The following ACBD6 variants were observed in gnomAD, a reference collection of about 807,000 sequenced individuals.
ACBD6 encodes acyl-CoA-binding domain-containing protein 6.
ACBD6 carries 28 observed loss-of-function variants against 37.2 expected under a neutral mutation model. The observed-to-expected ratio is 0.75, with a 90% confidence interval of 0.56 to 1.03. The LOEUF (loss-of-function observed/expected upper bound fraction) is 1.03, where lower values mean the gene tolerates loss of function less well. Ranked by LOEUF, ACBD6 falls within the 50% of genes least tolerant of loss-of-function variation. The pLI is 0.00. For synonymous variants in ACBD6, 113 were observed against 126.8 expected, an observed-to-expected ratio of 0.89 and a Z score of 0.73; for missense variants, 340 against 337.4, an observed-to-expected ratio of 1.01 and a Z score of -0.06.
At chr1:180,443,067 A>G (rs1649345123) in intron 3 of ACBD6, among the ~76,000 whole-genome samples, 1 of 152,012 alleles carries the variant, frequency 6.6e-6, no homozygotes, top group Non-Finnish European at 1.5e-5. Context: ...TAAATTTTAC[A>G]TTCTTGCTTG....
At chr1:180,465,250 T>C (rs932552456) in intron 3 of ACBD6, among the ~76,000 whole-genome samples, 2 of 152,042 alleles carry the variant, frequency 1.3e-5, no homozygotes, top group Non-Finnish European at 2.9e-5. Flanking sequence ...CGGGAGAGAA[T>C]ATCTGAAAAC....
chr1:180,385,750 G>A (rs545901345), intron 6 of ACBD6, among the ~76,000 whole-genome samples: 42 of 152,216 alleles, frequency 2.8e-4, no homozygotes, highest in African/African-American at 9.6e-4. Context: ...CCCTGTTGGC[G>A]CCTTTATCTT....
intron 7 of ACBD6, among the ~76,000 whole-genome samples, chr1:180,300,592 T>G (rs146880179): frequency 6.6e-6 from 1 of 152,200 alleles, no homozygotes; most frequent in Non-Finnish European, 1.5e-5. Flanking sequence ...CCAGAACTTA[T>G]AGGGATATTT....
At chr1:180,392,725 G>A (rs1191488335) in intron 6 of ACBD6, among the ~76,000 whole-genome samples, 1 of 141,934 alleles carries the variant, frequency 7.0e-6, no homozygotes, top group Non-Finnish European at 1.5e-5. Context: ...ACTATGTAAT[G>A]GGATTACAGA....
intron 3 of ACBD6, among the ~76,000 whole-genome samples, chr1:180,430,874 T>C (rs923593072): frequency 1.3e-5 from 2 of 152,100 alleles, no homozygotes; most frequent in African/African-American, 4.8e-5. Flanking sequence ...AAAATTAATT[T>C]AGTAATAAGA....
At chr1:180,299,327 T>C (rs748118823) in intron 7 of ACBD6, among the ~76,000 whole-genome samples, 8 of 152,146 alleles carry the variant, frequency 5.3e-5, no homozygotes, top group Non-Finnish European at 1.2e-4. Context: ...TGAGGGGATA[T>C]ACTGGTGCCC....
intron 3 of ACBD6, among the ~76,000 whole-genome samples, chr1:180,485,675 T>G (rs1270181743): frequency 6.6e-6 from 1 of 152,206 alleles, no homozygotes; most frequent in Non-Finnish European, 1.5e-5. Flanking sequence ...AGAATAATTT[T>G]CTGTTGTTTT....
intron 7 of ACBD6, among the ~76,000 whole-genome samples, chr1:180,309,003 G>A (rs1360866367): frequency 6.6e-6 from 1 of 152,108 alleles, no homozygotes; most frequent in Non-Finnish European, 1.5e-5. Flanking sequence ...GATAATATAT[G>A]CATATAGGTC....
At chr1:180,294,665 T>C (rs1649850096) in intron 7 of ACBD6, among the ~76,000 whole-genome samples, 1 of 152,154 alleles carries the variant, frequency 6.6e-6, no homozygotes, top group Non-Finnish European at 1.5e-5. Flanking sequence ...TATGTACTGA[T>C]ATCCTTTCAT....
intron 9 of ACBD6, chr1:180,276,467 G>A (rs182904877): frequency 1.3e-5 from 2 of 152,296 alleles, no homozygotes; most frequent in East Asian, 3.9e-4. Context: ...TGCTTGAGAA[G>A]TCTGCAAACA....
At chr1:180,431,979 G>A (rs879886236) in intron 3 of ACBD6, among the ~76,000 whole-genome samples, 1 of 152,170 alleles carries the variant, frequency 6.6e-6, no homozygotes, top group Non-Finnish European at 1.5e-5. Flanking sequence ...GCTGAGGCAG[G>A]TGGATCTCTT....
chr1:180,392,495 T>C (rs6661208), intron 6 of ACBD6, among the ~76,000 whole-genome samples: 100,378 of 152,000 alleles, frequency 0.66, 33,234 homozygotes, highest in South Asian at 0.76. Context: ...AGCTTGGGCT[T>C]TGGAGTCAGA....
At chr1:180,353,126 A>G (rs1359748938) in intron 6 of ACBD6, among the ~76,000 whole-genome samples, 1 of 152,226 alleles carries the variant, frequency 6.6e-6, no homozygotes, top group Non-Finnish European at 1.5e-5. Context: ...ATGCTCCAAA[A>G]GAACGTGAAT....
chr1:180,467,975 C>T (rs112112373), intron 3 of ACBD6, among the ~76,000 whole-genome samples: 83 of 152,216 alleles, frequency 5.5e-4, no homozygotes, highest in Non-Finnish European at 8.5e-4. Flanking sequence ...GCAAAGCTCC[C>T]AAGCTAAGGA....
At chr1:180,399,186 A>G (rs1389683682) in intron 5 of ACBD6, among the ~76,000 whole-genome samples, 1 of 152,208 alleles carries the variant, frequency 6.6e-6, no homozygotes, top group Non-Finnish European at 1.5e-5. Context: ...AGTGTGGTCA[A>G]ATCATTCACA....
intron 4 of ACBD6, among the ~76,000 whole-genome samples, chr1:180,427,536 C>T (rs954507772): frequency 6.6e-6 from 1 of 152,188 alleles, no homozygotes; most frequent in African/African-American, 2.4e-5. Context: ...CAAGAAATAA[C>T]CCATTTTCAT....
chr1:180,286,408 T>C (rs1278276357), downstream of ACBD6, among the ~76,000 whole-genome samples: 1 of 152,224 alleles, frequency 6.6e-6, no homozygotes, highest in East Asian at 1.9e-4. Flanking sequence ...AAGGAGTTCC[T>C]TAATAGCTTC....
chr1:180,399,230 T>G (rs1343325203), intron 5 of ACBD6, among the ~76,000 whole-genome samples: 1 of 152,160 alleles, frequency 6.6e-6, no homozygotes, highest in Non-Finnish European at 1.5e-5. Context: ...AAAAATTTAT[T>G]TTGCCTTGTT....
chr1:180,307,729 C>T (rs572918036), intron 7 of ACBD6, among the ~76,000 whole-genome samples: 29 of 152,060 alleles, frequency 1.9e-4, no homozygotes, highest in East Asian at 9.7e-4. Flanking sequence ...CCAAGGCAAG[C>T]GGATCATTTG....
Sources: allele counts gnomAD v4.1 joint callset (sites outside exome capture counted in the v4.1 genomes callset), GRCh38; gene constraint gnomAD v4.1.1; transcripts MANE v1.5; gene names NCBI Gene and HGNC (gene_info 2026-07-23, HGNC 2026-07-21).